RBFOX1: variants seen among roughly 807,000 people sequenced by gnomAD.
The protein encoded by RBFOX1 is RNA binding protein fox-1 homolog 1.
Under a neutral mutation model 57.7 loss-of-function variants are expected in RBFOX1, and 8 were observed. The ratio of observed to expected loss-of-function variants is 0.14; its 90% CI spans 0.08 to 0.25. The LOEUF (loss-of-function observed/expected upper bound fraction) is 0.25. RBFOX1 is among the 10% of genes least tolerant of loss of function. The pLI, the probability that RBFOX1 is intolerant of heterozygous loss-of-function variation, is 1.00. For missense variants in RBFOX1, 611 were observed against 548.5 expected, an observed-to-expected ratio of 1.11 and a Z score of -1.14; for synonymous variants, 326 against 222.4, an observed-to-expected ratio of 1.47 and a Z score of -4.15.
intron 4 of RBFOX1, among the ~76,000 whole-genome samples, chr16:7,187,935 A>G (rs1209550125): frequency 4.6e-5 from 7 of 152,160 alleles, no homozygotes; most frequent in Non-Finnish European, 8.8e-5. Context: ...CATGGGTCAA[A>G]TCACAGCACT....
intron 4 of RBFOX1, among the ~76,000 whole-genome samples, chr16:7,199,909 A>AAAC (rs146515780): frequency 0.035 from 5,304 of 151,916 alleles, 127 homozygotes; most frequent in South Asian, 0.095. Context: ...AAACAAAACA[A>AAAC]AACAACAACA....
At chr16:5,406,084 T>C (rs1035931675) in intron 1 of RBFOX1, among the ~76,000 whole-genome samples, 3 of 152,356 alleles carry the variant, frequency 2.0e-5, no homozygotes, top group South Asian at 2.1e-4. Context: ...TTCCAACTTA[T>C]GTATTTGAAA....
At chr16:7,620,731 G>A (rs1028548491) in intron 10 of RBFOX1, among the ~76,000 whole-genome samples, 1 of 152,152 alleles carries the variant, frequency 6.6e-6, no homozygotes, top group African/African-American at 2.4e-5. Context: ...ATCAACTCAG[G>A]ACCAAGTATC....
At chr16:5,615,949 C>G (rs755001185) in intron 3 of RBFOX1, among the ~76,000 whole-genome samples, 1 of 152,182 alleles carries the variant, frequency 6.6e-6, no homozygotes, top group Non-Finnish European at 1.5e-5. Context: ...GCTTCTTTCC[C>G]CTCTGAAGTT....
In RBFOX1 at chr16:7,563,554, G is replaced by C. The variant is rs2090948281; in HGVS notation, c.271-16223G>C. ...ACGATCTCTGCTCACTGCAACCTCT[G>C]CCTCCCGGGTTCAGGCAATTCTCCT... is the stretch of plus-strand genomic sequence containing the variant. On this transcript the variant is annotated intron_variant, in intron 5 of 15. Coordinates refer to ENST00000550418, the MANE Select transcript of RBFOX1 (RefSeq NM_018723.4). Among the ~76,000 whole-genome samples the C allele has an allele frequency of 1.3e-5, 2 of 152,096 alleles. 1 individual carries two copies. The highest frequency in any genetic ancestry group is 4.1e-4 in the South Asian group (2 of 4,822).
intron 4 of RBFOX1, among the ~76,000 whole-genome samples, chr16:7,104,116 G>T (rs528673538): frequency 3.9e-5 from 6 of 152,134 alleles, no homozygotes; most frequent in African/African-American, 1.4e-4. Context: ...TAAGAAATAT[G>T]TACCTATCTG....
intron 3 of RBFOX1, among the ~76,000 whole-genome samples, chr16:6,695,371 G>C (rs1370619035): frequency 2.2e-5 from 3 of 138,828 alleles, no homozygotes; most frequent in Non-Finnish European, 4.5e-5. Context: ...ACCTGAGATT[G>C]CGCCGCTTCA....
intron 3 of RBFOX1, among the ~76,000 whole-genome samples, chr16:5,746,889 G>A (rs2053005547): frequency 2.0e-5 from 3 of 152,274 alleles, no homozygotes; most frequent in Non-Finnish European, 4.4e-5. Context: ...GTGCAAACAG[G>A]GACAATTTGA....
intron 14 of RBFOX1, among the ~76,000 whole-genome samples, chr16:7,688,662 A>T (rs1454521628): frequency 1.3e-5 from 2 of 152,072 alleles, no homozygotes; most frequent in Non-Finnish European, 2.9e-5. Flanking sequence ...AATCCACAGG[A>T]CTAATTTAAG....
intron 3 of RBFOX1, among the ~76,000 whole-genome samples, chr16:6,870,465 G>A (rs370757993): frequency 6.6e-6 from 1 of 152,122 alleles, no homozygotes; most frequent in Non-Finnish European, 1.5e-5. Flanking sequence ...CACACGTCTG[G>A]CTAGCTTCAC....
At chr16:5,260,329 C>A (rs1420321132) in intron 1 of RBFOX1, among the ~76,000 whole-genome samples, 1 of 152,006 alleles carries the variant, frequency 6.6e-6, no homozygotes, top group African/African-American at 2.4e-5. Flanking sequence ...AAGAAATAAA[C>A]CTCCTAATAT....
intron 4 of RBFOX1, among the ~76,000 whole-genome samples, chr16:7,451,310 A>C (rs371339118): frequency 1.3e-5 from 2 of 152,174 alleles, no homozygotes; most frequent in African/African-American, 4.8e-5. Flanking sequence ...TCTTGAACGG[A>C]TGGTTCTTTC....
intron 3 of RBFOX1, among the ~76,000 whole-genome samples, chr16:6,794,049 C>T (rs890928079): frequency 6.6e-6 from 1 of 152,060 alleles, no homozygotes; most frequent in African/African-American, 2.4e-5. Flanking sequence ...TTCTATCAAA[C>T]AGGAGTCAAC....
chr16:6,921,546 C>T (rs556855502), intron 3 of RBFOX1, among the ~76,000 whole-genome samples: 1 of 151,940 alleles, frequency 6.6e-6, no homozygotes, highest in Non-Finnish European at 1.5e-5. Flanking sequence ...TGGCCTTTGC[C>T]ATAGGTCCTC....
intron 1 of RBFOX1, among the ~76,000 whole-genome samples, chr16:6,109,313 C>G (rs2096417315): frequency 6.6e-6 from 1 of 152,148 alleles, no homozygotes; most frequent in African/African-American, 2.4e-5. Flanking sequence ...ACTGAATCTT[C>G]ATGCCGTGTT....
At chr16:7,095,814 C>T (rs2061595964) in intron 4 of RBFOX1, among the ~76,000 whole-genome samples, 1 of 152,000 alleles carries the variant, frequency 6.6e-6, no homozygotes, top group Non-Finnish European at 1.5e-5. Context: ...AGATCGAGAC[C>T]ATCCTGGCTA....
chr16:7,447,229 C>T (rs1057068635), intron 4 of RBFOX1, among the ~76,000 whole-genome samples: 9 of 151,594 alleles, frequency 5.9e-5, no homozygotes, highest in East Asian at 2.0e-4. Context: ...GTCAGGAGTT[C>T]GAGACCAGCC....
At chr16:5,626,316 G>A (rs1313112058) in intron 3 of RBFOX1, among the ~76,000 whole-genome samples, 1 of 152,160 alleles carries the variant, frequency 6.6e-6, no homozygotes, top group Non-Finnish European at 1.5e-5. Flanking sequence ...GTGGATGACC[G>A]TCTTCTCCCT....
intron 4 of RBFOX1, among the ~76,000 whole-genome samples, chr16:5,994,665 T>C (rs1221997698): frequency 6.6e-6 from 1 of 152,168 alleles, no homozygotes; most frequent in African/African-American, 2.4e-5. Context: ...TCACAGATAA[T>C]ATGGCAATGA....
Sources: gnomAD v4.1 joint callset for allele counts (sites outside exome capture counted in the v4.1 genomes callset) on GRCh38, gnomAD v4.1.1 for gene constraint, MANE v1.5 for transcripts, NCBI Gene and HGNC (gene_info 2026-07-23, HGNC 2026-07-21) for gene names.